RAB11FIP3: variants seen among roughly 807,000 people sequenced by gnomAD.
RAB11FIP3 encodes RAB11 family interacting protein 3.
Under a neutral mutation model 77.8 loss-of-function variants are expected in RAB11FIP3, and 17 were observed. The ratio of observed to expected loss-of-function variants is 0.22; its 90% CI spans 0.15 to 0.33. RAB11FIP3 has a LOEUF of 0.33. Among genes scored for constraint, RAB11FIP3 ranks in the 10% least tolerant of loss-of-function variants. The pLI is 1.00. For missense variants in RAB11FIP3, 1,005 were observed against 1,011.2 expected, an observed-to-expected ratio of 0.99 and a Z score of 0.08; for synonymous variants, 437 against 448.2, an observed-to-expected ratio of 0.98 and a Z score of 0.31.
Position 425,848 on chromosome 16 carries a change from T to TGGGCGAGGACA in RAB11FIP3, c.-157_-147dup, listed in dbSNP as rs1255246347. ...GGGCAGCTGAGGCGCGGTGCGAAGA[T>TGGGCGAGGACA]GGGCGAGGACAGAGCAGGGCCCGAG... On this transcript the variant is annotated 5_prime_UTR_variant, in exon 1 of 14. An upstream open reading frame in the 5' UTR gains an earlier in-frame stop. Transcript: ENST00000262305. The TGGGCGAGGACA allele has an allele frequency of 3.5e-6, 1 of 283,630 alleles. No individual in the cohort carries two copies. Among genetic ancestry groups the TGGGCGAGGACA allele is most frequent in the Non-Finnish European group, 6.5e-6 (1 of 154,672 alleles). The allele number at this position is 283,630 out of a possible 1,614,324, so 17.6% of individuals were successfully genotyped here.
At chr16:440,083 GC>G (rs35754560) in intron 1 of RAB11FIP3, among the ~76,000 whole-genome samples, 30 of 151,174 alleles carry the variant, frequency 2.0e-4, no homozygotes, top group Non-Finnish European at 3.4e-4. Context: ...CTCATGATCC[GC>G]CCCCCCCATC....
In RAB11FIP3 at chr16:473,203, C is replaced by G. The variant is rs1379376967; in HGVS notation, c.903+1814C>G. ...ACCAGTGCATTTTATCCTTAAAGGC[C>G]CACGTGGTCTGAAGGGTGTGGCCGA... On this transcript the variant is annotated intron_variant, in intron 3 of 13. Transcript: ENST00000262305. Among the ~76,000 whole-genome samples, 3 of 152,182 alleles carry G rather than the reference C, an allele frequency of 2.0e-5. No homozygotes were observed. In the East Asian group the frequency reaches 5.8e-4, roughly 29 times the overall value.
At chr16:450,292 C>G (rs564392753) in intron 1 of RAB11FIP3, among the ~76,000 whole-genome samples, 2 of 152,290 alleles carry the variant, frequency 1.3e-5, no homozygotes, top group South Asian at 2.1e-4. Flanking sequence ...GTCTCACCCT[C>G]CCGAGTAGCT....
In RAB11FIP3 at chr16:503,227, C is replaced by T. The variant is rs2031629680; in HGVS notation, c.1395+130C>T. The T allele has an allele frequency of 2.4e-5, 16 of 656,338 alleles. No individual in the cohort carries two copies. The East Asian group carries it at 4.4e-4, about 18-fold the overall frequency. 40.7% of individuals were successfully genotyped at this position (656,338 alleles called of 1,614,324 possible). On this transcript the variant is annotated intron_variant, in intron 7 of 13. Coordinates refer to ENST00000262305, the MANE Select transcript of RAB11FIP3 (RefSeq NM_014700.4). Reference sequence around the variant, plus strand: ...GGTGACCCCATGTCCTCCAGGGCTCCCCAGACTGTCCATCCAGCCCCGATG... The same window carrying T: ...GGTGACCCCATGTCCTCCAGGGCTCTCCAGACTGTCCATCCAGCCCCGATG...
intron 1 of RAB11FIP3, among the ~76,000 whole-genome samples, chr16:456,618 C>T (rs1254109137): frequency 6.6e-6 from 1 of 151,706 alleles, no homozygotes; most frequent in African/African-American, 2.4e-5. Flanking sequence ...ATTGATTGGG[C>T]ATGGTGGAAG....
intron 3 of RAB11FIP3, among the ~76,000 whole-genome samples, chr16:478,084 TCCTGGCAGCTCGGCCTGGC>T (rs1388719774): frequency 2.6e-5 from 4 of 152,172 alleles, no homozygotes; most frequent in Admixed American, 6.5e-5. Context: ...TGCGCCAGGC[TCCTGGCAGCTCGGCCTGGC>T]CCTTCACGTC....
rs1366518773 is a variant in RAB11FIP3, at chr16:471,835, G to T, written c.903+446G>T. Among the ~76,000 whole-genome samples the T allele has an allele frequency of 6.6e-6, 1 of 152,156 alleles. No homozygotes were observed. The highest frequency in any genetic ancestry group is 2.4e-5 in the African/African-American group (1 of 41,432). On this transcript the variant is annotated intron_variant, in intron 3 of 13. Coordinates refer to ENST00000262305, the MANE Select transcript of RAB11FIP3 (RefSeq NM_014700.4). The surrounding 1 kb of genome is among the most constrained non-coding windows in gnomAD (Gnocchi z 4.4). ...GTCATGGTGACGTGGCGTCTCCTGT[G>T]TCTCCTGTCACTGTGGGTCCCTTGT...
intron 1 of RAB11FIP3, among the ~76,000 whole-genome samples, chr16:434,673 C>T (rs1014877188): frequency 2.0e-5 from 3 of 152,242 alleles, no homozygotes; most frequent in Admixed American, 2.0e-4. Flanking sequence ...CCACCTTGGC[C>T]TCCCAAAGTG....
intron 1 of RAB11FIP3, among the ~76,000 whole-genome samples, chr16:434,098 A>G (rs1421029009): frequency 6.6e-6 from 1 of 152,120 alleles, no homozygotes; most frequent in Non-Finnish European, 1.5e-5. Flanking sequence ...GGTCTCTGAT[A>G]TCAGATGTAT....
At chr16:476,711 A>G (rs1436760098) in intron 3 of RAB11FIP3, among the ~76,000 whole-genome samples, 2 of 148,818 alleles carry the variant, frequency 1.3e-5, no homozygotes, top group Admixed American at 6.8e-5. Flanking sequence ...CGGGAGGTGG[A>G]GTTTGCAGTG....
At chr16:458,046 G>A (rs1425901231) in intron 1 of RAB11FIP3, among the ~76,000 whole-genome samples, 2 of 152,256 alleles carry the variant, frequency 1.3e-5, no homozygotes, top group African/African-American at 2.4e-5. Flanking sequence ...GGCCTCTTCC[G>A]TTGTGAAGGG....
chr16:491,435 C>T (rs1170771074), intron 5 of RAB11FIP3, among the ~76,000 whole-genome samples: 3 of 152,146 alleles, frequency 2.0e-5, no homozygotes, highest in Non-Finnish European at 4.4e-5. Flanking sequence ...GCCACCAGGG[C>T]CCTGCCTCCT....
At position 449,673 on chromosome 16, in the gene RAB11FIP3, C is replaced by T. The variant is rs934600537; in HGVS notation, c.715-11731C>T. Among the ~76,000 whole-genome samples, 14 of 150,584 alleles carry T rather than the reference C, an allele frequency of 9.3e-5. No individual in the cohort carries two copies. In the South Asian group the frequency reaches 1.7e-3, roughly 18 times the overall value. On this transcript the variant is annotated intron_variant, in intron 1 of 13. Coordinates refer to ENST00000262305, the MANE Select transcript of RAB11FIP3 (RefSeq NM_014700.4). ...AAAAAAAAAAAAAAAAGTTTTAGGCCGGGTGCAGTGGCTCACAGCTATAAT... is the reference window on the plus strand; with the variant it reads ...AAAAAAAAAAAAAAAAGTTTTAGGCTGGGTGCAGTGGCTCACAGCTATAAT...
Position 426,883 on chromosome 16 carries a change from C to G in RAB11FIP3, c.714+163C>G, listed in dbSNP as rs1045575129. 6.6e-6 allele frequency among the ~76,000 whole-genome samples: 1 copy of G among 152,202 alleles called. No homozygotes were observed. Among genetic ancestry groups the G allele is most frequent in the African/African-American group, 2.4e-5 (1 of 41,454 alleles). Reference sequence around the variant, plus strand: ...TATTCACCACTTCGGCCCTGGATTTCTGGTTGAATTGCGCTGGAGTCCCTC... The same window carrying G: ...TATTCACCACTTCGGCCCTGGATTTGTGGTTGAATTGCGCTGGAGTCCCTC... On this transcript the variant is annotated intron_variant, in intron 1 of 13. Transcript: ENST00000262305. The surrounding 1 kb of genome is among the most constrained non-coding windows in gnomAD (Gnocchi z 5.0).
chr16:486,502 A>G (rs958487188), intron 4 of RAB11FIP3, among the ~76,000 whole-genome samples: 5 of 152,182 alleles, frequency 3.3e-5, no homozygotes, highest in Non-Finnish European at 7.3e-5. Context: ...CAAAAATGAA[A>G]ACAAAAGTAT....
chr16:500,442 G>C (rs569595961), intron 6 of RAB11FIP3, among the ~76,000 whole-genome samples: 1 of 152,070 alleles, frequency 6.6e-6, no homozygotes, highest in Non-Finnish European at 1.5e-5. Context: ...CAGCACTTTG[G>C]GGGGCCGAGG....
intron 1 of RAB11FIP3, among the ~76,000 whole-genome samples, chr16:455,036 C>T (rs1311232639): frequency 1.5e-5 from 2 of 130,578 alleles, no homozygotes; most frequent in Non-Finnish European, 3.2e-5. Flanking sequence ...GGTGACAGAG[C>T]GAAACTCCGT....
chr16:517,062 C>T (rs913704581), intron 9 of RAB11FIP3, among the ~76,000 whole-genome samples: 3 of 152,122 alleles, frequency 2.0e-5, no homozygotes, highest in Non-Finnish European at 2.9e-5. Flanking sequence ...GCCGTGCGGA[C>T]GTCAGGACCC....
At chr16:467,697 G>T (rs2055730594) in intron 2 of RAB11FIP3, among the ~76,000 whole-genome samples, 1 of 88,782 alleles carries the variant, frequency 1.1e-5, no homozygotes, top group African/African-American at 4.4e-5. Context: ...AGGAGGTGCA[G>T]GGGCGTCAGG....
Sources: allele counts gnomAD v4.1 joint callset (sites outside exome capture counted in the v4.1 genomes callset), GRCh38; gene constraint gnomAD v4.1.1; non-coding constraint Gnocchi (gnomAD v3.1); transcripts MANE v1.5; gene names NCBI Gene and HGNC (gene_info 2026-07-23, HGNC 2026-07-21).